Variants in TACC2 observed in about 807,000 individuals in gnomAD.
TACC2 encodes the protein transforming acidic coiled-coil-containing protein 2.
TACC2 carries 137 observed loss-of-function variants against 227.3 expected under a neutral mutation model. The ratio of observed to expected loss-of-function variants is 0.60; its 90% CI spans 0.52 to 0.69. The LOEUF is 0.69. TACC2 is among the 30% of genes least tolerant of loss of function. TACC2 has a pLI of 0.00. For synonymous variants in TACC2, 1,523 were observed against 1,487.5 expected (o/e 1.02, Z -0.55); for missense variants, 3,470 against 3,694.4 (o/e 0.94, Z 1.57).
chr10:122,162,335 T>C (rs1157369863), intron 7 of TACC2, among the ~76,000 whole-genome samples: 1 of 152,210 alleles, frequency 6.6e-6, no homozygotes, highest in African/African-American at 2.4e-5. Context: ...AAACAGTGTA[T>C]TGGAGGCAAT....
chr10:122,027,830 G>A (rs1565103895), intron 2 of TACC2, among the ~76,000 whole-genome samples: 1 of 149,662 alleles, frequency 6.7e-6, no homozygotes, highest in Non-Finnish European at 1.5e-5. Context: ...TGCAAGCTCC[G>A]CCTACCAGGT....
chr10:122,214,331 C>T (rs7916162), intron 9 of TACC2, among the ~76,000 whole-genome samples: 16,502 of 152,228 alleles, frequency 0.11, 929 homozygotes, highest in South Asian at 0.16. Flanking sequence ...ATTATAAATG[C>T]TGTAAATAGC....
intron 5 of TACC2, among the ~76,000 whole-genome samples, chr10:122,106,384 A>C (rs922937728): frequency 6.6e-6 from 1 of 152,178 alleles, no homozygotes; most frequent in African/African-American, 2.4e-5. Flanking sequence ...GGGTGATTGC[A>C]GATGCTGGTG....
rs1422411982 is a variant in TACC2, at chr10:122,094,364, A to G, written c.5573+5773A>G. ...AGATTATAGCTCACTCTAACCTCCA[A>G]TTCCTGGGGTCAAGCAACTCTCCAG... On this transcript the variant is annotated intron_variant, in intron 5 of 22. Transcript: ENST00000369005. Among the ~76,000 whole-genome samples, 6 of 152,108 alleles carry G rather than the reference A, an allele frequency of 3.9e-5. No individual in the cohort carries two copies. The East Asian group carries it at 5.8e-4, about 15-fold the overall frequency.
Position 122,100,736 on chromosome 10 carries a change from C to T in TACC2, c.5573+12145C>T, listed in dbSNP as rs2137598912. The stretch of plus-strand genomic sequence containing the variant: ...CTATAGCGCCCGACTGTTGTCTTCT[C>T]TTCTTAACCCCTTTTCCTTTGGTAT... On this transcript the variant is annotated intron_variant, in intron 5 of 22. Transcript: ENST00000369005. Among the ~76,000 whole-genome samples, 3 of 152,310 alleles carry T rather than the reference C, an allele frequency of 2.0e-5. No homozygotes were observed. The South Asian group carries it at 6.2e-4, about 32-fold the overall frequency.
chr10:121,992,592 TTC>T (rs1228114282), intron 1 of TACC2, among the ~76,000 whole-genome samples: 2 of 152,208 alleles, frequency 1.3e-5, no homozygotes, highest in Non-Finnish European at 2.9e-5. Context: ...TGTGGGATCA[TTC>T]TCTTTTTCTG....
intron 6 of TACC2, 87 bp downstream of exon 6, chr10:122,132,821 C>A: frequency 7.1e-7 from 1 of 1,416,302 alleles, no homozygotes; most frequent in Non-Finnish European, 9.8e-7. Flanking sequence ...CTTCCCCTCC[C>A]CTCCTCTCTT....
At position 121,992,092 on chromosome 10, in the gene TACC2, G is replaced by A. The variant is rs530129704; in HGVS notation, c.-46+2604G>A. Among the ~76,000 whole-genome samples the A allele has an allele frequency of 5.9e-5, 9 of 152,304 alleles. No homozygotes were observed. The South Asian group carries it at 1.9e-3, about 32-fold the overall frequency. ...AGTGGGAATTTAAGATGAGATCCGGGTGGGGACACAGCCAAACTGCATCAC... is the reference window on the plus strand; with the variant it reads ...AGTGGGAATTTAAGATGAGATCCGGATGGGGACACAGCCAAACTGCATCAC... On this transcript the variant is annotated intron_variant, in intron 1 of 22. Transcript: ENST00000369005.
At chr10:122,018,646 C>A (rs1195519869) in intron 1 of TACC2, among the ~76,000 whole-genome samples, 1 of 152,190 alleles carries the variant, frequency 6.6e-6, no homozygotes, top group Non-Finnish European at 1.5e-5. Flanking sequence ...AAATCTATGA[C>A]CTTTTGTGCC....
chr10:122,245,774 G>T (rs1414221777), intron 19 of TACC2, among the ~76,000 whole-genome samples: 2 of 152,074 alleles, frequency 1.3e-5, no homozygotes, highest in African/African-American at 4.8e-5. Flanking sequence ...CCTTCTTGGG[G>T]GCTTTATATA....
intron 7 of TACC2, among the ~76,000 whole-genome samples, chr10:122,184,895 G>T (rs186483082): frequency 6.6e-6 from 1 of 152,222 alleles, no homozygotes; most frequent in Non-Finnish European, 1.5e-5. Context: ...TTACTGAGGG[G>T]TGATAGCGAT....
intron 3 of TACC2, among the ~76,000 whole-genome samples, chr10:122,081,030 A>C (rs527809676): frequency 6.6e-6 from 1 of 152,264 alleles, no homozygotes; most frequent in East Asian, 1.9e-4. Flanking sequence ...TAGAATATAT[A>C]TGATCATAAC....
chr10:122,119,795 C>T (rs533639868), intron 5 of TACC2, among the ~76,000 whole-genome samples: 31 of 152,078 alleles, frequency 2.0e-4, no homozygotes, highest in African/African-American at 6.5e-4. Flanking sequence ...GGTATGCACC[C>T]GTCATCTCAG....
chr10:122,006,398 G>A (rs1325708308), intron 1 of TACC2, among the ~76,000 whole-genome samples: 4 of 151,886 alleles, frequency 2.6e-5, no homozygotes, highest in Admixed American at 1.3e-4. Flanking sequence ...GCAGTGAGCC[G>A]AGATTGCGCC....
chr10:122,142,848 G>C (rs2090823544), intron 6 of TACC2, among the ~76,000 whole-genome samples: 1 of 152,258 alleles, frequency 6.6e-6, no homozygotes, highest in South Asian at 2.1e-4. Flanking sequence ...GCTTTAGTCT[G>C]TGGAGGCCGT....
At chr10:122,203,315 CG>C (rs1444187334) in intron 8 of TACC2, among the ~76,000 whole-genome samples, 2 of 133,960 alleles carry the variant, frequency 1.5e-5, no homozygotes, top group Non-Finnish European at 3.0e-5. Context: ...TAGGGGCGGC[CG>C]GGCAGAGGCG....
chr10:122,107,644 G>A (rs10887070), intron 5 of TACC2, among the ~76,000 whole-genome samples: 47,949 of 150,956 alleles, frequency 0.32, 8,880 homozygotes, highest in South Asian at 0.44. Context: ...TTTAAAATAT[G>A]CTTGCTAGAA....
chr10:122,132,969 C>G (rs369361838), intron 6 of TACC2, among the ~76,000 whole-genome samples: 12 of 152,268 alleles, frequency 7.9e-5, no homozygotes, highest in African/African-American at 2.9e-4. Context: ...TTTCCCCTGT[C>G]CCGGCCCCCA....
chr10:122,092,557 G>A (rs1407152355), intron 5 of TACC2, among the ~76,000 whole-genome samples: 2 of 152,190 alleles, frequency 1.3e-5, no homozygotes, highest in African/African-American at 2.4e-5. Context: ...TGACAGGATA[G>A]TTTGATAACC....
Sources: allele counts gnomAD v4.1 joint callset (sites outside exome capture counted in the v4.1 genomes callset), GRCh38; gene constraint gnomAD v4.1.1; transcripts MANE v1.5; gene names NCBI Gene and HGNC (gene_info 2026-07-23, HGNC 2026-07-21).